ASIC2: variants seen among roughly 807,000 people sequenced by gnomAD.
ASIC2 encodes acid sensing ion channel subunit 2.
A neutral mutation model predicts 57.3 loss-of-function variants in ASIC2; 25 were observed. The observed-to-expected ratio is 0.44, with a 90% CI of 0.32 to 0.61. ASIC2 has a LOEUF of 0.61. Ranked by LOEUF, ASIC2 falls within the 20% of genes least tolerant of loss-of-function variation. ASIC2 has a pLI of 0.06. For synonymous variants in ASIC2, 319 were observed against 307.5 expected (o/e 1.04, Z -0.39); for missense variants, 641 against 738.1 (o/e 0.87, Z 1.52).
At chr17:33,615,329 A>G (rs1188855235) in intron 1 of ASIC2, among the ~76,000 whole-genome samples, 1 of 152,202 alleles carries the variant, frequency 6.6e-6, no homozygotes, top group Non-Finnish European at 1.5e-5. Context: ...TTTCACCAAA[A>G]GTGGGTGTTA....
At chr17:33,178,505 T>C (rs767488601) in intron 1 of ASIC2, among the ~76,000 whole-genome samples, 1 of 152,198 alleles carries the variant, frequency 6.6e-6, no homozygotes, top group Non-Finnish European at 1.5e-5. Flanking sequence ...AGGGACAAAA[T>C]CATAAATAAA....
intron 1 of ASIC2, among the ~76,000 whole-genome samples, chr17:33,779,306 G>A (rs1381309592): frequency 6.6e-6 from 1 of 151,944 alleles, no homozygotes; most frequent in Admixed American, 6.5e-5. Flanking sequence ...AGATGGCGGT[G>A]TTCAACACAG....
At chr17:33,355,048 AG>A (rs936938040) in intron 1 of ASIC2, among the ~76,000 whole-genome samples, 2 of 152,178 alleles carry the variant, frequency 1.3e-5, no homozygotes, top group African/African-American at 2.4e-5. Flanking sequence ...CATGTGTGTA[AG>A]TGTGGGTATG....
At chr17:34,094,099 TAAA>T (rs984998551) in intron 1 of ASIC2, among the ~76,000 whole-genome samples, 2 of 151,986 alleles carry the variant, frequency 1.3e-5, no homozygotes, top group Non-Finnish European at 1.5e-5. Context: ...AAACAAGTAA[TAAA>T]GAAACATTCT....
At chr17:33,073,076 G>A (rs536693125) in intron 3 of ASIC2, among the ~76,000 whole-genome samples, 57 of 152,308 alleles carry the variant, frequency 3.7e-4, no homozygotes, top group African/African-American at 1.3e-3. Flanking sequence ...CATTTCTACC[G>A]GGATCAGTTG....
chr17:34,048,934 G>A (rs59011800), intron 1 of ASIC2, among the ~76,000 whole-genome samples: 2,267 of 152,212 alleles, frequency 0.015, 54 homozygotes, highest in East Asian at 0.059. Flanking sequence ...CAGACTGTGC[G>A]GTAATAATCG....
intron 1 of ASIC2, among the ~76,000 whole-genome samples, chr17:33,516,407 A>AGTGTGT (rs113344287): frequency 1.3e-5 from 2 of 148,236 alleles, no homozygotes; most frequent in South Asian, 2.2e-4. Flanking sequence ...TGTGAGTGTG[A>AGTGTGT]GTGTGTGTGT....
intron 1 of ASIC2, among the ~76,000 whole-genome samples, chr17:33,719,688 T>C (rs1909328791): frequency 6.6e-6 from 1 of 152,198 alleles, no homozygotes; most frequent in African/African-American, 2.4e-5. Context: ...GAGGCTGCAA[T>C]AAGGCACTGA....
At chr17:33,602,511 CTT>C (rs1905136283) in intron 1 of ASIC2, among the ~76,000 whole-genome samples, 1 of 152,210 alleles carries the variant, frequency 6.6e-6, no homozygotes, top group Non-Finnish European at 1.5e-5. Flanking sequence ...CAATCTTGGA[CTT>C]TCCAGCTTCT....
intron 3 of ASIC2, among the ~76,000 whole-genome samples, chr17:33,063,303 C>T (rs1209037422): frequency 2.0e-5 from 3 of 152,186 alleles, no homozygotes; most frequent in Non-Finnish European, 4.4e-5. Flanking sequence ...CTGGTACCAG[C>T]TGTTCCTTTC....
chr17:34,057,726 G>T (rs943367501), intron 1 of ASIC2, among the ~76,000 whole-genome samples: 13 of 152,072 alleles, frequency 8.5e-5, no homozygotes, highest in African/African-American at 3.1e-4. Context: ...CTAGTGCTTG[G>T]CAATAGAAAC....
chr17:33,761,879 C>A (rs1023389424), intron 1 of ASIC2, among the ~76,000 whole-genome samples: 1 of 150,558 alleles, frequency 6.6e-6, no homozygotes, highest in Non-Finnish European at 1.5e-5. Flanking sequence ...TTTCCAGAGT[C>A]CTCATTTCAA....
chr17:33,148,196 A>G (rs1179301055), intron 1 of ASIC2, among the ~76,000 whole-genome samples: 1 of 152,248 alleles, frequency 6.6e-6, no homozygotes, highest in Non-Finnish European at 1.5e-5. Context: ...CAGGGAGATA[A>G]GCAGACTTTA....
At chr17:33,073,833 A>G (rs1414380663) in intron 3 of ASIC2, among the ~76,000 whole-genome samples, 2 of 152,290 alleles carry the variant, frequency 1.3e-5, no homozygotes, top group East Asian at 3.9e-4. Context: ...CCCAGCCGCT[A>G]TGGGCTGTGG....
chr17:33,397,197 G>A (rs76878688), intron 1 of ASIC2, among the ~76,000 whole-genome samples: 13,238 of 152,242 alleles, frequency 0.087, 766 homozygotes, highest in Non-Finnish European at 0.13. Flanking sequence ...CACAAACACA[G>A]AGGTGTTCAG....
intron 1 of ASIC2, among the ~76,000 whole-genome samples, chr17:33,547,698 C>A (rs1439439570): frequency 6.6e-6 from 1 of 152,206 alleles, no homozygotes; most frequent in Non-Finnish European, 1.5e-5. Flanking sequence ...CTCATCCCCC[C>A]CATCCTAATT....
chr17:33,927,199 G>A (rs543490640), intron 1 of ASIC2, among the ~76,000 whole-genome samples: 1 of 152,286 alleles, frequency 6.6e-6, no homozygotes, highest in South Asian at 2.1e-4. Context: ...AAACTGCTGT[G>A]ATTACAGGCA....
rs546667347 is a variant in ASIC2, at chr17:33,061,505, A to T, written c.987+27358T>A. On this transcript the variant is annotated intron_variant, in intron 3 of 9. Coordinates refer to ENST00000225823, the MANE Select transcript of ASIC2 (RefSeq NM_183377.2). ...GTTGAACCAGCCTTGCATCCCAGGGATGAAGACAACTTGATCATGGTGGAT... is the reference window on the plus strand; with the variant it reads ...GTTGAACCAGCCTTGCATCCCAGGGTTGAAGACAACTTGATCATGGTGGAT... Among the ~76,000 whole-genome samples the T allele has an allele frequency of 5.9e-5, 9 of 152,340 alleles. No individual in the cohort carries two copies. In the East Asian group the frequency reaches 1.7e-3, roughly 29 times the overall value.
chr17:33,209,499 A>G (rs1337216267), intron 1 of ASIC2, among the ~76,000 whole-genome samples: 1 of 152,192 alleles, frequency 6.6e-6, no homozygotes, highest in Non-Finnish European at 1.5e-5. Flanking sequence ...GCATTTTAGG[A>G]TATTTAGCAG....
Sources: gnomAD v4.1 joint callset for allele counts (sites outside exome capture counted in the v4.1 genomes callset) on GRCh38, gnomAD v4.1.1 for gene constraint, MANE v1.5 for transcripts, NCBI Gene and HGNC (gene_info 2026-07-23, HGNC 2026-07-21) for gene names.